NBAS: variants seen among roughly 807,000 people sequenced by gnomAD.
NBAS encodes NAG/BC035112 fusion.
Under a neutral mutation model 302.5 loss-of-function variants are expected in NBAS, and 219 were observed. That is an observed-to-expected ratio of 0.72 (90% CI 0.65 to 0.81). The LOEUF (loss-of-function observed/expected upper bound fraction) is 0.81, where lower values mean the gene tolerates loss of function less well. NBAS is among the 30% of genes least tolerant of loss of function. The pLI, the probability that NBAS is intolerant of heterozygous loss-of-function variation, is 0.00. For synonymous variants in NBAS, 1,118 were observed against 1,021.6 expected (o/e 1.09, Z -1.80); for missense variants, 2,932 against 2,841.6 (o/e 1.03, Z -0.72).
chr2:15,225,873 G>A (rs1667131216), intron 47 of NBAS, among the ~76,000 whole-genome samples: 1 of 152,178 alleles, frequency 6.6e-6, no homozygotes, highest in African/African-American at 2.4e-5. Context: ...AAGGCAAGAA[G>A]TAGAAAGGGA....
Position 15,269,945 on chromosome 2 carries a change from G to A in NBAS, c.5724+5539C>T, listed in dbSNP as rs544811349. 1.2e-4 allele frequency among the ~76,000 whole-genome samples: 19 copies of A among 152,262 alleles called. No individual in the cohort carries two copies. In the South Asian group the frequency reaches 3.5e-3, roughly 28 times the overall value. ...CTCCCTTTTCCAACCTCTTATCTGT[G>A]TAAGGCTGGATTTTCTTCACCTACT... On this transcript the variant is annotated intron_variant, in intron 44 of 51. Transcript: ENST00000281513.
At chr2:15,134,740 T>C in the NBAS span, among the ~76,000 whole-genome samples, 1 of 152,220 alleles carries the variant, frequency 6.6e-6, no homozygotes, top group Non-Finnish European at 1.5e-5. Context: ...ATCATTTGCT[T>C]CCTTATGGCT....
chr2:15,138,789 G>A, the NBAS span, among the ~76,000 whole-genome samples: 1 of 152,112 alleles, frequency 6.6e-6, no homozygotes, highest in Non-Finnish European at 1.5e-5. Context: ...TGGCTGAACT[G>A]GACCCATTCA....
intron 38 of NBAS, among the ~76,000 whole-genome samples, chr2:15,318,056 G>C (rs982787137): frequency 1.3e-5 from 2 of 152,204 alleles, no homozygotes; most frequent in Non-Finnish European, 2.9e-5. Flanking sequence ...TCTCTTGGAA[G>C]AAACCCTACA....
chr2:14,863,485 A>G, the NBAS span, among the ~76,000 whole-genome samples: 2 of 152,204 alleles, frequency 1.3e-5, no homozygotes, highest in Non-Finnish European at 1.5e-5. Flanking sequence ...CATAAGATCA[A>G]TTGATCAGTT....
chr2:15,365,941 A>G (rs1674176465), intron 32 of NBAS, among the ~76,000 whole-genome samples: 1 of 152,242 alleles, frequency 6.6e-6, no homozygotes, highest in Admixed American at 6.5e-5. Context: ...TATGAAATGT[A>G]GAGTCAAAAA....
At chr2:15,056,932 G>A in the NBAS span, among the ~76,000 whole-genome samples, 1 of 148,314 alleles carries the variant, frequency 6.7e-6, no homozygotes, top group Non-Finnish European at 1.5e-5. Context: ...AGGTTCCATT[G>A]ATTCTCCCAC....
chr2:15,313,257 A>G (rs1329745549), intron 38 of NBAS, among the ~76,000 whole-genome samples: 1 of 152,256 alleles, frequency 6.6e-6, no homozygotes, highest in Non-Finnish European at 1.5e-5. Flanking sequence ...GTATAACAAA[A>G]ATAATAAAAT....
intron 48 of NBAS, among the ~76,000 whole-genome samples, chr2:15,213,708 G>A (rs757117687): frequency 5.3e-5 from 8 of 152,152 alleles, no homozygotes; most frequent in Admixed American, 1.3e-4. Context: ...AAAGATTAGC[G>A]TGCACATAGT....
the NBAS span, among the ~76,000 whole-genome samples, chr2:15,098,046 T>C: frequency 0.22 from 43 of 192 alleles, 4 homozygotes; most frequent in South Asian, 0.5. Context: ...ATATTGTATA[T>C]AATATATTAT....
chr2:15,124,831 C>T, the NBAS span, among the ~76,000 whole-genome samples: 1 of 152,220 alleles, frequency 6.6e-6, no homozygotes, highest in Non-Finnish European at 1.5e-5. Flanking sequence ...TAGCGGCTTC[C>T]ACCTAGATTT....
At chr2:15,366,479 GTTC>G (rs1317698485) in intron 32 of NBAS, 98 bp downstream of exon 32, 1 of 1,165,740 alleles carries the variant, frequency 8.6e-7, no homozygotes, top group Non-Finnish European at 1.3e-6. Flanking sequence ...TAAAAAAGCT[GTTC>G]TTCTGACGCT....
At chr2:15,068,486 A>C in the NBAS span, among the ~76,000 whole-genome samples, 3 of 152,226 alleles carry the variant, frequency 2.0e-5, no homozygotes, top group African/African-American at 7.2e-5. Flanking sequence ...AGGCAAAAGC[A>C]ATGAACCCCA....
intron 42 of NBAS, among the ~76,000 whole-genome samples, chr2:15,286,421 A>G (rs1670046107): frequency 6.6e-6 from 1 of 152,222 alleles, no homozygotes. Flanking sequence ...TCTTAGGAAG[A>G]AGTCAAAAGC....
the NBAS span, among the ~76,000 whole-genome samples, chr2:15,022,677 A>G: frequency 1.6e-4 from 25 of 152,168 alleles, no homozygotes; most frequent in East Asian, 4.8e-3. Context: ...AGACATATCT[A>G]TTTCTCTCAT....
chr2:15,169,055 T>C (rs1307618188), intron 51 of NBAS, among the ~76,000 whole-genome samples: 1 of 152,252 alleles, frequency 6.6e-6, no homozygotes, highest in African/African-American at 2.4e-5. Context: ...TGAGTGAACC[T>C]ACATTATGAA....
chr2:15,532,341 T>C (rs1303005503), intron 9 of NBAS, among the ~76,000 whole-genome samples: 1 of 151,518 alleles, frequency 6.6e-6, no homozygotes, highest in Admixed American at 6.6e-5. Flanking sequence ...TACAAAAAAT[T>C]AGCCGGGCTT....
chr2:15,235,631 G>C (rs550198001), intron 45 of NBAS, among the ~76,000 whole-genome samples: 1 of 152,108 alleles, frequency 6.6e-6, no homozygotes, highest in Non-Finnish European at 1.5e-5. Flanking sequence ...TCATGTTATA[G>C]TGGTTATTTT....
the NBAS span, among the ~76,000 whole-genome samples, chr2:14,924,293 A>C: frequency 6.6e-6 from 1 of 152,360 alleles, no homozygotes; most frequent in Middle Eastern, 3.4e-3. Context: ...AACATCCCCA[A>C]AAATATATTC....
Sources: gnomAD v4.1 joint callset for allele counts (sites outside exome capture counted in the v4.1 genomes callset) on GRCh38, gnomAD v4.1.1 for gene constraint, MANE v1.5 for transcripts, NCBI Gene and HGNC (gene_info 2026-07-23, HGNC 2026-07-21) for gene names.